Variants in WWOX observed in about 807,000 individuals in gnomAD.
WWOX encodes the protein WW domain-containing oxidoreductase.
In WWOX, 69 loss-of-function variants were observed where a neutral mutation model predicts 46.2. The ratio of observed to expected loss-of-function variants is 1.49; its 90% confidence interval spans 1.23 to 1.82. The LOEUF is 1.82. Ranked by LOEUF, WWOX falls within the 40% of genes most tolerant of loss-of-function variation. WWOX has a pLI of 0.00. For missense variants in WWOX, 919 were observed against 542.6 expected (o/e 1.69, Z -6.89); for synonymous variants, 359 against 202.6 (o/e 1.77, Z -6.56).
chr16:78,697,936 C>T (rs78637841), intron 8 of WWOX, among the ~76,000 whole-genome samples: 1,736 of 152,196 alleles, frequency 0.011, 26 homozygotes, highest in African/African-American at 0.04. Context: ...TACCTGTAAG[C>T]AAGAATCACT....
intron 8 of WWOX, among the ~76,000 whole-genome samples, chr16:79,187,383 C>T (rs2051037996): frequency 6.6e-6 from 1 of 152,094 alleles, no homozygotes; most frequent in South Asian, 2.1e-4. Context: ...ACTAGAAATC[C>T]ACTCCTTTCA....
chr16:78,953,833 C>G (rs1037271562), intron 8 of WWOX, among the ~76,000 whole-genome samples: 7 of 152,322 alleles, frequency 4.6e-5, no homozygotes, highest in Middle Eastern at 6.8e-3. Context: ...GATCGAGCCA[C>G]TCTCCACTCT....
chr16:78,222,639 C>T (rs542402237), intron 5 of WWOX, among the ~76,000 whole-genome samples: 4 of 152,276 alleles, frequency 2.6e-5, no homozygotes, highest in African/African-American at 7.2e-5. Context: ...TGTACTTCTT[C>T]GTATTTATAG....
intron 8 of WWOX, among the ~76,000 whole-genome samples, chr16:78,736,655 T>C (rs1464107290): frequency 6.6e-6 from 1 of 152,148 alleles, no homozygotes; most frequent in Non-Finnish European, 1.5e-5. Context: ...TACAGTGCAG[T>C]TGCGTGATAT....
rs138684019 is a variant in WWOX, at chr16:78,360,194, A to G, written c.517-26666A>G. Among the ~76,000 whole-genome samples the G allele has an allele frequency of 3.2e-4, 49 of 152,314 alleles. No individual in the cohort carries two copies. In the East Asian group the frequency reaches 6.0e-3, roughly 19 times the overall value. On this transcript the variant is annotated intron_variant, in intron 5 of 8. Coordinates refer to ENST00000566780, the MANE Select transcript of WWOX (RefSeq NM_016373.4). ...TTTCTAAAAGCAAGGGCGTTTTGAC[A>G]CCAGATATTGTGAGGACATCCACCT...
At chr16:78,366,381 G>GT (rs1014197029) in intron 5 of WWOX, among the ~76,000 whole-genome samples, 1 of 152,124 alleles carries the variant, frequency 6.6e-6, no homozygotes, top group African/African-American at 2.4e-5. Flanking sequence ...CTGTTAGGCT[G>GT]TTTTTTTATT....
intron 8 of WWOX, among the ~76,000 whole-genome samples, chr16:79,007,124 A>T (rs1374113690): frequency 6.6e-6 from 1 of 152,186 alleles, no homozygotes; most frequent in Non-Finnish European, 1.5e-5. Context: ...AGCAAATGAC[A>T]CAGACAAGAT....
At chr16:78,224,004 C>G (rs75096971) in intron 5 of WWOX, among the ~76,000 whole-genome samples, 156 of 152,202 alleles carry the variant, frequency 1.0e-3, no homozygotes, top group African/African-American at 3.4e-3. Flanking sequence ...TCAACTTTAT[C>G]TTTCCTTCTT....
chr16:78,106,661 C>T (rs569541296), intron 1 of WWOX, among the ~76,000 whole-genome samples: 1 of 152,142 alleles, frequency 6.6e-6, no homozygotes, highest in African/African-American at 2.4e-5. Flanking sequence ...GGTAATCCGC[C>T]TGCCTTGCCC....
At chr16:78,753,629 A>G (rs1003127927) in intron 8 of WWOX, among the ~76,000 whole-genome samples, 1 of 151,148 alleles carries the variant, frequency 6.6e-6, no homozygotes, top group Non-Finnish European at 1.5e-5. Context: ...ATGAAATCCC[A>G]TCTCTACAAA....
intron 8 of WWOX, among the ~76,000 whole-genome samples, chr16:78,717,842 C>T (rs573031618): frequency 6.6e-6 from 1 of 152,144 alleles, no homozygotes; most frequent in Non-Finnish European, 1.5e-5. Context: ...ATTTCCCTCT[C>T]TGTCTTTCCC....
At chr16:78,512,850 C>T (rs547925330) in intron 8 of WWOX, among the ~76,000 whole-genome samples, 2 of 152,326 alleles carry the variant, frequency 1.3e-5, no homozygotes, top group Non-Finnish European at 2.9e-5. Flanking sequence ...CTTCCGAATG[C>T]AGCCCTCCCA....
chr16:78,630,054 C>T (rs2046392350), intron 8 of WWOX, among the ~76,000 whole-genome samples: 1 of 152,172 alleles, frequency 6.6e-6, no homozygotes, highest in Non-Finnish European at 1.5e-5. Context: ...AGACTCGAAG[C>T]TTCACAAGGG....
chr16:78,661,731 A>G (rs991520366), intron 8 of WWOX, among the ~76,000 whole-genome samples: 2 of 152,204 alleles, frequency 1.3e-5, no homozygotes, highest in Admixed American at 6.5e-5. Context: ...GACTGATGCC[A>G]TCTTTTAATA....
At chr16:78,254,615 C>T (rs954210679) in intron 5 of WWOX, among the ~76,000 whole-genome samples, 1 of 148,818 alleles carries the variant, frequency 6.7e-6, no homozygotes, top group Non-Finnish European at 1.5e-5. Context: ...AAGTGATCCT[C>T]CCACCTCAGC....
intron 8 of WWOX, among the ~76,000 whole-genome samples, chr16:79,120,500 A>T (rs1192090401): frequency 6.6e-6 from 1 of 151,988 alleles, no homozygotes; most frequent in Non-Finnish European, 1.5e-5. Flanking sequence ...AGAGCAAAGG[A>T]CCCTGTGCTA....
intron 8 of WWOX, among the ~76,000 whole-genome samples, chr16:79,051,842 C>G (rs963202713): frequency 3.3e-5 from 5 of 152,188 alleles, no homozygotes; most frequent in African/African-American, 1.2e-4. Flanking sequence ...AATCAATGTA[C>G]TTTATGTTCT....
intron 8 of WWOX, among the ~76,000 whole-genome samples, chr16:79,090,979 G>A (rs925060929): frequency 5.9e-5 from 9 of 152,050 alleles, no homozygotes; most frequent in African/African-American, 2.2e-4. Context: ...TGTATTTTTT[G>A]TAGATACCAT....
intron 8 of WWOX, among the ~76,000 whole-genome samples, chr16:78,987,418 A>T (rs1164540564): frequency 6.6e-6 from 1 of 152,202 alleles, no homozygotes; most frequent in East Asian, 1.9e-4. Flanking sequence ...TTCATGCTGG[A>T]GCTCCTGCCA....
Sources: gnomAD v4.1 joint callset for allele counts (sites outside exome capture counted in the v4.1 genomes callset) on GRCh38, gnomAD v4.1.1 for gene constraint, MANE v1.5 for transcripts, NCBI Gene and HGNC (gene_info 2026-07-23, HGNC 2026-07-21) for gene names.